Variants in RBP3 observed in about 807,000 individuals in gnomAD.
The protein encoded by RBP3 is retinol-binding protein 3.
A neutral mutation model predicts 64.8 loss-of-function variants in RBP3; 50 were observed. The observed-to-expected ratio is 0.77, with a 90% confidence interval of 0.61 to 0.98. The LOEUF is 0.98. Ranked by LOEUF, RBP3 falls within the 50% of genes least tolerant of loss-of-function variation. The probability of loss-of-function intolerance (pLI) is 0.00; values close to 1 mark genes in which losing one functional copy is unlikely to be tolerated. For synonymous variants in RBP3, 828 were observed against 730.2 expected, an observed-to-expected ratio of 1.13 and a Z score of -2.16; for missense variants, 1,712 against 1,660.5, an observed-to-expected ratio of 1.03 and a Z score of -0.54.
intron 1 of RBP3, 150 bp from the exon 2 acceptor site, chr10:47,353,175 T>C (rs1218476214): frequency 1.3e-5 from 9 of 704,838 alleles, no homozygotes; most frequent in Non-Finnish European, 2.2e-5. Flanking sequence ...CATCCAGACA[T>C]GCCACTGGGA....
At chr10:47,353,153 A>C (rs1268845449) in intron 1 of RBP3, among the ~76,000 whole-genome samples, 172 bp from the exon 2 acceptor site, 1 of 152,102 alleles carries the variant, frequency 6.6e-6, no homozygotes, top group African/African-American at 2.4e-5. Context: ...CACATGTCCC[A>C]GTGGCATGTC....
intron 1 of RBP3, 142 bp downstream of exon 1, chr10:47,351,680 T>A (rs147806895): frequency 0.016 from 16,496 of 1,058,134 alleles, 176 homozygotes; most frequent in Non-Finnish European, 0.02. Flanking sequence ...GTCAAGTCCT[T>A]TCCTCTTTCT....
At chr10:47,355,705 G>GA (rs367926984) in intron 3 of RBP3, among the ~76,000 whole-genome samples, 187 bp downstream of exon 3, 1 of 151,500 alleles carries the variant, frequency 6.6e-6, no homozygotes, top group Admixed American at 6.6e-5. Context: ...TTTTCTAGAG[G>GA]AAAAAAAAGG....
At position 47,349,804 on chromosome 10, in the gene RBP3, C is replaced by T; in HGVS notation, c.1320C>T (p.Gly440=). Residue 440 remains glycine (G), a synonymous_variant, in exon 1 of 4, where the codon GGC becomes GGT. Coordinates refer to ENST00000584701, the MANE Select transcript of RBP3 (RefSeq NM_002900.3). ...TGTCGGTGCTGCCAGGCAATGTGGGCTACCTGCGCTTCGATAGTTTTGCTG... is the reference window on the plus strand; with the variant it reads ...TGTCGGTGCTGCCAGGCAATGTGGGTTACCTGCGCTTCGATAGTTTTGCTG... ...FQVSVLPGNV[G]YLRFDSFADA... 3 of 1,613,266 alleles carry T rather than the reference C, an allele frequency of 1.9e-6. No homozygotes were observed. Among genetic ancestry groups the T allele is most frequent in the Non-Finnish European group, 2.5e-6 (3 of 1,180,036 alleles).
At position 47,351,024 on chromosome 10, in the gene RBP3, C is replaced by A. The variant is rs782342117; in HGVS notation, c.2540C>A (p.Thr847Asn). The A allele has an allele frequency of 5.6e-6, 9 of 1,610,796 alleles. No homozygotes were observed. The East Asian group carries it at 6.7e-5, about 12-fold the overall frequency. The change falls in exon 1 of 4, where the codon ACC becomes AAC. Residue 847 changes from threonine (T) to asparagine (N), a missense_variant. Thr to Asn is a moderately conservative substitution (Grantham distance 65, BLOSUM62 0). Coordinates refer to ENST00000584701, the MANE Select transcript of RBP3 (RefSeq NM_002900.3). ...GACCTCTACATCCTGATGAGCCACA[C>A]CAGTGGCTCTGCGGCCGAGGCCTTT... is the stretch of plus-strand genomic sequence containing the variant. ...HKDLYILMSH[T>N]SGSAAEAFAH...
At chr10:47,353,202 C>G (rs1238613027) in intron 1 of RBP3, 123 bp from the exon 2 acceptor site, 1 of 892,782 alleles carries the variant, frequency 1.1e-6, no homozygotes, top group African/African-American at 1.6e-5. Context: ...CTGGTGTCTA[C>G]TAATTCCTTC....
intron 1 of RBP3, 94 bp from the exon 2 acceptor site, chr10:47,353,231 C>G (rs1565767875): frequency 8.7e-7 from 1 of 1,144,892 alleles, no homozygotes; most frequent in African/African-American, 1.5e-5. Context: ...TAGTTCCTGT[C>G]CCATGCCCTT....
rs375761633 is a variant in RBP3, at chr10:47,349,782, C to T, written c.1298C>T (p.Ser433Leu). ...CTGGTGGACTCTGTGTTCCAGGTGTCGGTGCTGCCAGGCAATGTGGGCTAC... is the reference window on the plus strand; with the variant it reads ...CTGGTGGACTCTGTGTTCCAGGTGTTGGTGCTGCCAGGCAATGTGGGCTAC... ...QALVDSVFQVSVLPGNVGYLR... is the reference protein window; with the variant it reads ...QALVDSVFQVLVLPGNVGYLR... The change falls in exon 1 of 4, where the codon TCG becomes TTG. Residue 433 changes from serine to leucine, a missense_variant. Ser to Leu is a moderately radical substitution (Grantham distance 145, BLOSUM62 -2). Coordinates refer to ENST00000584701, the MANE Select transcript of RBP3 (RefSeq NM_002900.3). 3.7e-5 allele frequency: 59 copies of T among 1,613,024 alleles called. No homozygotes were observed. The highest frequency in any genetic ancestry group is 4.5e-5 in the Non-Finnish European group (53 of 1,180,010).
Position 47,348,585 on chromosome 10 carries a change from T to C in RBP3, c.101T>C (p.Val34Ala). The C allele has an allele frequency of 6.2e-7, 1 of 1,613,294 alleles. No individual in the cohort carries two copies. The highest frequency in any genetic ancestry group is 8.5e-7 in the Non-Finnish European group (1 of 1,179,998). Residue 34 changes from valine (V) to alanine (A), a missense_variant, in exon 1 of 4, where the codon GTC becomes GCC. Val to Ala is a moderately conservative substitution (Grantham distance 64). Transcript: ENST00000584701. ...QPSLVLDMAK[V>A]LLDNYCFPEN... ...AGCCTGGTGCTGGACATGGCCAAGGTCCTCTTGGATAACTACTGCTTCCCG... is the reference window on the plus strand; with the variant it reads ...AGCCTGGTGCTGGACATGGCCAAGGCCCTCTTGGATAACTACTGCTTCCCG...
chr10:47,350,053 C>T lies in RBP3; in HGVS notation c.1569C>T (p.His523=), dbSNP rs148093336. ...ACATCACGCAGGAGCACTTCAGCCA[C>T]ATGGAGCTCCCGGGCCCACGCTACA... ...RTNITQEHFS[H]MELPGPRYST... Residue 523 remains histidine, a synonymous_variant, in exon 1 of 4, where the codon CAC becomes CAT. Transcript: ENST00000584701. 3.1e-6 allele frequency: 5 copies of T among 1,612,942 alleles called. No homozygotes were observed. Among genetic ancestry groups the T allele is most frequent in the Admixed American group, 1.7e-5 (1 of 59,990 alleles).
chr10:47,353,594 G>C lies in RBP3; in HGVS notation c.3245+79G>C, dbSNP rs370479398. 18 of 1,529,224 alleles carry C rather than the reference G, an allele frequency of 1.2e-5. 1 individual carries two copies. The highest frequency in any genetic ancestry group is 9.5e-5 in the African/African-American group (7 of 73,378). 94.7% of individuals were successfully genotyped at this position (1,529,224 alleles called of 1,614,324 possible). On this transcript the variant is annotated intron_variant, in intron 2 of 3. Transcript: ENST00000584701. ...CAGTCAAAGCTATGGGCCACAGCAG[G>C]GAAGAAAAGGAACCCTGTGACACAG...
chr10:47,350,088 G>A lies in RBP3; in HGVS notation c.1604G>A (p.Arg535His), dbSNP rs140616761. 1.1e-5 allele frequency: 17 copies of A among 1,612,956 alleles called. No homozygotes were observed. The highest frequency in any genetic ancestry group is 4.4e-5 in the South Asian group (4 of 91,074). ...CCGGGCCCACGCTACAGCACCCAAC[G>A]TGGGGTGTATCTGCTCACCAGCCAC... is the stretch of plus-strand genomic sequence containing the variant. ...ELPGPRYSTQRGVYLLTSHRT... is the reference protein window; with the variant it reads ...ELPGPRYSTQHGVYLLTSHRT... Residue 535 changes from arginine (R) to histidine (H), a missense_variant, in exon 1 of 4, where the codon CGT becomes CAT. Transcript: ENST00000584701.
intron 3 of RBP3, among the ~76,000 whole-genome samples, chr10:47,356,163 G>C (rs1456092147): frequency 6.6e-6 from 1 of 152,102 alleles, no homozygotes; most frequent in Non-Finnish European, 1.5e-5. Flanking sequence ...GAGACCGATG[G>C]GGGTGTGCCT....
Position 47,350,428 on chromosome 10 carries a change from G to A in RBP3, c.1944G>A (p.Glu648=), listed in dbSNP as rs782272037. ...ALVEGTGHLL[E]AHYARPEVVG... is the part of the protein sequence containing the mutation. ...TGGAGGGCACAGGGCACCTGCTGGA[G>A]GCCCACTATGCTCGGCCAGAGGTCG... Residue 648 remains glutamate (E), a synonymous_variant, in exon 1 of 4, where the codon GAG becomes GAA. Coordinates refer to ENST00000584701, the MANE Select transcript of RBP3 (RefSeq NM_002900.3). 2 of 1,612,094 alleles carry A rather than the reference G, an allele frequency of 1.2e-6. No individual in the cohort carries two copies. The highest frequency in any genetic ancestry group is 3.3e-5 in the Admixed American group (2 of 59,952).
chr10:47,349,745 A>G lies in RBP3; in HGVS notation c.1261A>G (p.Ile421Val), dbSNP rs1555211183. Residue 421 changes from isoleucine to valine, a missense_variant, in exon 1 of 4, where the codon ATC becomes GTC. Ile to Val is a conservative substitution (Grantham distance 29). Transcript: ENST00000584701. ...CCCAGAGTTGCCTGAGGACGAGGCTATCCGGCAAGCACTGGTGGACTCTGT... is the reference window on the plus strand; with the variant it reads ...CCCAGAGTTGCCTGAGGACGAGGCTGTCCGGCAAGCACTGGTGGACTCTGT... ...VAPELPEDEAIRQALVDSVFQ... is the reference protein window; with the variant it reads ...VAPELPEDEAVRQALVDSVFQ... The G allele has an allele frequency of 2.5e-6, 4 of 1,612,830 alleles. No homozygotes were observed. The highest frequency in any genetic ancestry group is 3.4e-6 in the Non-Finnish European group (4 of 1,180,004).
At position 47,348,456 on chromosome 10, in the gene RBP3, G is replaced by A; in HGVS notation, c.-29G>A. ...TGCACACAGTCCAGGGAGCTTTTGT[G>A]CAGGAGCCAGGCCTCCCCCTGGGTC... On this transcript the variant is annotated 5_prime_UTR_variant, in exon 1 of 4. Transcript: ENST00000584701. 1 of 1,597,526 alleles carries A rather than the reference G, an allele frequency of 6.3e-7. No individual in the cohort carries two copies. Among genetic ancestry groups the A allele is most frequent in the Non-Finnish European group, 8.5e-7 (1 of 1,179,312 alleles).
rs1221392637 is a variant in RBP3, at chr10:47,350,172, C to T, written c.1688C>T (p.Thr563Ile). Residue 563 changes from threonine (T) to isoleucine (I), a missense_variant, in exon 1 of 4, where the codon ACA (threonine) becomes ATA (isoleucine). Thr to Ile is a moderately conservative substitution (Grantham distance 89). Transcript: ENST00000584701. Reference sequence around the variant, plus strand: ...CTTATGCAGTCGCTGGGCTGGGCCACACTGGTAGGTGAGATCACCGCGGGC... The same window carrying T: ...CTTATGCAGTCGCTGGGCTGGGCCATACTGGTAGGTGAGATCACCGCGGGC... ...AFLMQSLGWA[T>I]LVGEITAGNL... is the part of the protein sequence containing the mutation. 9.9e-6 allele frequency: 16 copies of T among 1,612,242 alleles called. No homozygotes were observed. Among genetic ancestry groups the T allele is most frequent in the Admixed American group, 1.7e-5 (1 of 60,020 alleles).
In RBP3 at chr10:47,350,082, C is replaced by T; in HGVS notation, c.1598C>T (p.Thr533Ile). The change falls in exon 1 of 4, where the codon ACC becomes ATC. Residue 533 changes from threonine to isoleucine, a missense_variant. Coordinates refer to ENST00000584701, the MANE Select transcript of RBP3 (RefSeq NM_002900.3). ...GAGCTCCCGGGCCCACGCTACAGCACCCAACGTGGGGTGTATCTGCTCACC... is the reference window on the plus strand; with the variant it reads ...GAGCTCCCGGGCCCACGCTACAGCATCCAACGTGGGGTGTATCTGCTCACC... ...HMELPGPRYS[T>I]QRGVYLLTSH... The T allele has an allele frequency of 6.2e-7, 1 of 1,613,078 alleles. No individual in the cohort carries two copies. The highest frequency in any genetic ancestry group is 8.5e-7 in the Non-Finnish European group (1 of 1,180,004).
chr10:47,348,435 C>T lies in RBP3; in HGVS notation c.-50C>T. On this transcript the variant is annotated 5_prime_UTR_variant, in exon 1 of 4. Coordinates refer to ENST00000584701, the MANE Select transcript of RBP3 (RefSeq NM_002900.3). ...CACAGAGCAGGGCCACGGCCTTGCA[C>T]ACAGTCCAGGGAGCTTTTGTGCAGG... is the stretch of plus-strand genomic sequence containing the variant. 1 of 1,588,272 alleles carries T rather than the reference C, an allele frequency of 6.3e-7. No homozygotes were observed. Among genetic ancestry groups the T allele is most frequent in the Non-Finnish European group, 8.5e-7 (1 of 1,173,986 alleles).
Sources: allele counts gnomAD v4.1 joint callset (sites outside exome capture counted in the v4.1 genomes callset), GRCh38; gene constraint gnomAD v4.1.1; transcripts MANE v1.5; gene names NCBI Gene and HGNC (gene_info 2026-07-23, HGNC 2026-07-21).